The following NRXN1 variants were observed in gnomAD, a reference collection of about 807,000 sequenced individuals.
The protein encoded by NRXN1 is neurexin 1.
In NRXN1, 39 loss-of-function variants were observed where a neutral mutation model predicts 150.9. That is an observed-to-expected ratio of 0.26 (90% CI 0.20 to 0.34). The LOEUF (loss-of-function observed/expected upper bound fraction) is 0.34, where lower values mean the gene tolerates loss of function less well. NRXN1 is among the 10% of genes least tolerant of loss of function. The pLI, the probability that NRXN1 is intolerant of heterozygous loss-of-function variation, is 1.00. For synonymous variants in NRXN1, 924 were observed against 757.0 expected (o/e 1.22, Z -3.62); for missense variants, 1,815 against 1,949.9 (o/e 0.93, Z 1.30).
intron 5 of NRXN1, among the ~76,000 whole-genome samples, chr2:50,921,221 G>A (rs1163796775): frequency 6.6e-6 from 1 of 151,750 alleles, no homozygotes; most frequent in Non-Finnish European, 1.5e-5. Flanking sequence ...AATTACACAT[G>A]CTTCTGGATT....
At chr2:50,668,223 A>G (rs1273882841) in intron 5 of NRXN1, among the ~76,000 whole-genome samples, 1 of 151,920 alleles carries the variant, frequency 6.6e-6, no homozygotes, top group African/African-American at 2.4e-5. Flanking sequence ...ACACTATATG[A>G]TATGTGGGAC....
intron 5 of NRXN1, among the ~76,000 whole-genome samples, chr2:50,857,989 G>A (rs1353528188): frequency 1.3e-5 from 2 of 151,922 alleles, no homozygotes; most frequent in African/African-American, 4.8e-5. Context: ...AGGTGTTTTG[G>A]TTACAGCTAT....
At chr2:50,654,579 G>C (rs978108042) in intron 5 of NRXN1, among the ~76,000 whole-genome samples, 1 of 151,922 alleles carries the variant, frequency 6.6e-6, no homozygotes, top group Non-Finnish European at 1.5e-5. Context: ...GGTATTTCTA[G>C]TTCTAGATCC....
intron 15 of NRXN1, among the ~76,000 whole-genome samples, 165 bp from the exon 16 acceptor site, chr2:50,472,636 A>T (rs1422508806): frequency 6.7e-6 from 1 of 149,192 alleles, no homozygotes; most frequent in African/African-American, 2.6e-5. Context: ...AGACGTTTGA[A>T]TAATATACTG....
intron 5 of NRXN1, among the ~76,000 whole-genome samples, chr2:50,709,192 G>A (rs1694821952): frequency 6.6e-6 from 1 of 152,090 alleles, no homozygotes; most frequent in African/African-American, 2.4e-5. Context: ...TTGGTGGATG[G>A]CACGTGATAT....
intron 21 of NRXN1, among the ~76,000 whole-genome samples, chr2:50,008,071 C>A (rs1468771224): frequency 6.6e-6 from 1 of 152,124 alleles, no homozygotes; most frequent in Non-Finnish European, 1.5e-5. Context: ...ATGTGTATAA[C>A]CATCAACAAG....
At chr2:50,942,078 A>C (rs1689539448) in intron 2 of NRXN1, among the ~76,000 whole-genome samples, 1 of 152,184 alleles carries the variant, frequency 6.6e-6, no homozygotes, top group African/African-American at 2.4e-5. Context: ...TCATGGCTAA[A>C]AGGGGAGAAG....
intron 5 of NRXN1, among the ~76,000 whole-genome samples, chr2:50,824,057 T>C (rs1039602267): frequency 3.9e-5 from 6 of 152,106 alleles, no homozygotes; most frequent in African/African-American, 1.2e-4. Flanking sequence ...AATCTGATTA[T>C]AGAGCAGGAT....
chr2:50,506,474 C>T, intron 13 of NRXN1, 21 bp downstream of exon 13: 1 of 1,603,334 alleles, frequency 6.2e-7, no homozygotes, highest in Non-Finnish European at 8.5e-7. Flanking sequence ...TAGGAAAAGA[C>T]AATGGGACAG....
chr2:50,579,317 T>C (rs1237543391), intron 8 of NRXN1, among the ~76,000 whole-genome samples: 1 of 152,176 alleles, frequency 6.6e-6, no homozygotes, highest in Non-Finnish European at 1.5e-5. Context: ...TAGGAAAGCC[T>C]GTATTAGACT....
At chr2:50,617,931 T>G (rs1679314302) in intron 8 of NRXN1, among the ~76,000 whole-genome samples, 1 of 152,204 alleles carries the variant, frequency 6.6e-6, no homozygotes, top group African/African-American at 2.4e-5. Flanking sequence ...ACTGCCTCAC[T>G]TATGCAGAAT....
intron 8 of NRXN1, among the ~76,000 whole-genome samples, chr2:50,557,452 T>G (rs1668424029): frequency 6.6e-6 from 1 of 152,142 alleles, no homozygotes; most frequent in Non-Finnish European, 1.5e-5. Flanking sequence ...GGTTTTATCT[T>G]TCATACTTGT....
intron 8 of NRXN1, among the ~76,000 whole-genome samples, chr2:50,600,321 CTT>C (rs779234312): frequency 0.015 from 1,836 of 120,042 alleles, 18 homozygotes; most frequent in East Asian, 0.096. Context: ...TTAAGACTAG[CTT>C]TTTTTTTTTT....
At position 50,348,257 on chromosome 2, in the gene NRXN1, T is replaced by C. The variant is rs867866432; in HGVS notation, c.3365-111287A>G. Among the ~76,000 whole-genome samples, 42 of 152,036 alleles carry C rather than the reference T, an allele frequency of 2.8e-4. 1 individual carries two copies. The highest frequency in any genetic ancestry group is 1.6e-3 in the Admixed American group (24 of 15,266). ...CTTCCCATTACCATATTATATCTCA[T>C]ATAAGGCAGTGGAAGTTCAGGGGAC... On this transcript the variant is annotated intron_variant, in intron 17 of 22. Coordinates refer to ENST00000401669, the MANE Select transcript of NRXN1 (RefSeq NM_001330078.2).
At chr2:50,651,472 A>AACATGACATGACATGACATGACATG (rs59984890) in intron 5 of NRXN1, among the ~76,000 whole-genome samples, 3 of 149,500 alleles carry the variant, frequency 2.0e-5, no homozygotes, top group South Asian at 2.2e-4. Flanking sequence ...AACATAACGT[A>AACATGACATGACATGACATGACATG]ACATGACATG....
rs1459118811 is a variant in NRXN1 at position 50,788,962 on chromosome 2, T to A, written c.832+132907A>T. ...TGGATGACAGGGAGATGGAAAAACA[T>A]GAGGAGTAGGACAGTAAGAATGCAA... On this transcript the variant is annotated intron_variant, in intron 5 of 22. Coordinates refer to ENST00000401669, the MANE Select transcript of NRXN1 (RefSeq NM_001330078.2). Among the ~76,000 whole-genome samples the A allele has an allele frequency of 2.0e-5, 3 of 151,934 alleles. No individual in the cohort carries two copies. The East Asian group carries it at 5.8e-4, about 30-fold the overall frequency.
chr2:50,987,625 C>T (rs1362982284), intron 2 of NRXN1, among the ~76,000 whole-genome samples: 5 of 151,930 alleles, frequency 3.3e-5, no homozygotes, highest in Non-Finnish European at 5.9e-5. Context: ...GTATAACAAC[C>T]TCCCACTCTA....
At chr2:50,029,231 G>A (rs950853411) in intron 21 of NRXN1, among the ~76,000 whole-genome samples, 2 of 152,202 alleles carry the variant, frequency 1.3e-5, no homozygotes, top group South Asian at 2.1e-4. Context: ...TACCGAATCA[G>A]CTGCCACCTT....
At chr2:50,041,881 G>C (rs768136540) in intron 21 of NRXN1, among the ~76,000 whole-genome samples, 1 of 152,056 alleles carries the variant, frequency 6.6e-6, no homozygotes, top group Non-Finnish European at 1.5e-5. Context: ...CTGGAACAGG[G>C]TTTTACACAT....
Sources: gnomAD v4.1 joint callset for allele counts (sites outside exome capture counted in the v4.1 genomes callset) on GRCh38, gnomAD v4.1.1 for gene constraint, MANE v1.5 for transcripts, NCBI Gene and HGNC (gene_info 2026-07-23, HGNC 2026-07-21) for gene names.